Variants in AGBL4 observed in about 807,000 individuals in gnomAD.
AGBL4 encodes the protein AGBL carboxypeptidase 4, also known as cytosolic carboxypeptidase 6.
A neutral mutation model predicts 66.4 loss-of-function variants in AGBL4; 58 were observed. That is an observed-to-expected ratio of 0.87 (90% confidence interval 0.71 to 1.09). The LOEUF is 1.09. AGBL4 is among the 50% of genes least tolerant of loss of function. The pLI is 0.00. For synonymous variants in AGBL4, 234 were observed against 222.9 expected (o/e 1.05, Z -0.44); for missense variants, 579 against 631.0 (o/e 0.92, Z 0.88).
intron 1 of AGBL4, among the ~76,000 whole-genome samples, chr1:50,001,415 ATT>A (rs1004300153): frequency 9.8e-5 from 12 of 122,490 alleles, no homozygotes; most frequent in Admixed American, 3.4e-4. Context: ...GAAAAAAATA[ATT>A]TGTGTGTGTG....
At chr1:49,833,668 T>C (rs1244118336) in intron 2 of AGBL4, among the ~76,000 whole-genome samples, 3 of 152,198 alleles carry the variant, frequency 2.0e-5, no homozygotes, top group Non-Finnish European at 4.4e-5. Context: ...TTTAATTTCA[T>C]TGAGCAGTGG....
intron 6 of AGBL4, among the ~76,000 whole-genome samples, chr1:48,677,807 T>G (rs910274678): frequency 6.6e-6 from 1 of 152,130 alleles, no homozygotes; most frequent in Non-Finnish European, 1.5e-5. Flanking sequence ...GGGACCACAG[T>G]CAGGGTCCTG....
chr1:49,661,571 G>T (rs1165174330), intron 3 of AGBL4, among the ~76,000 whole-genome samples: 1 of 152,146 alleles, frequency 6.6e-6, no homozygotes, highest in Non-Finnish European at 1.5e-5. Flanking sequence ...AGCCTCATCA[G>T]AAGCAAATGC....
intron 1 of AGBL4, among the ~76,000 whole-genome samples, chr1:49,856,691 A>G (rs1459883243): frequency 6.6e-6 from 1 of 152,170 alleles, no homozygotes; most frequent in Non-Finnish European, 1.5e-5. Flanking sequence ...CCCTTCATGT[A>G]AGTGCTCTTA....
At chr1:49,076,086 T>C (rs1644703995) in intron 4 of AGBL4, among the ~76,000 whole-genome samples, 1 of 152,196 alleles carries the variant, frequency 6.6e-6, no homozygotes, top group African/African-American at 2.4e-5. Context: ...CTCTTTTAAG[T>C]AGAATTCAAT....
At chr1:49,882,621 T>C (rs1401120826) in intron 1 of AGBL4, among the ~76,000 whole-genome samples, 1 of 152,208 alleles carries the variant, frequency 6.6e-6, no homozygotes, top group Non-Finnish European at 1.5e-5. Context: ...GTAAGTTGGA[T>C]TCCTAGGTAT....
intron 3 of AGBL4, among the ~76,000 whole-genome samples, chr1:49,526,031 T>G (rs1056312099): frequency 6.6e-6 from 1 of 151,550 alleles, no homozygotes; most frequent in Non-Finnish European, 1.5e-5. Context: ...AGGTGGAGCT[T>G]GCAGGTGAGC....
chr1:49,423,887 C>T lies in AGBL4; in HGVS notation c.283-178023G>A, dbSNP rs539537628. Among the ~76,000 whole-genome samples, 114 of 151,562 alleles carry T rather than the reference C, an allele frequency of 7.5e-4. 1 individual carries two copies. In the South Asian group the frequency reaches 0.023, roughly 30 times the overall value. On this transcript the variant is annotated intron_variant, in intron 3 of 13. Transcript: ENST00000371839. ...ACAATTCAGCATTAAGAGACACAGCCGAGCTCCCCAGCTCATTAGTGAATA... is the reference window on the plus strand; with the variant it reads ...ACAATTCAGCATTAAGAGACACAGCTGAGCTCCCCAGCTCATTAGTGAATA...
intron 2 of AGBL4, chr1:49,845,567 G>A (rs1646118559): frequency 1.2e-6 from 2 of 1,601,528 alleles, no homozygotes; most frequent in Admixed American, 1.7e-5. Context: ...ATCCACACAG[G>A]GGAGAAGCCC....
Position 49,963,808 on chromosome 1 carries a change from T to C in AGBL4, c.34+59955A>G, listed in dbSNP as rs12058772. On this transcript the variant is annotated intron_variant, in intron 1 of 13. Transcript: ENST00000371839. ...TTCCAGGAAAGAGCAGAAATTATAA[T>C]GCAGACTTTGTCATCTAGGTAAAAA... Among the ~76,000 whole-genome samples the C allele has an allele frequency of 2.1e-3, 317 of 152,230 alleles. 4 individuals carry two copies. The highest frequency in any genetic ancestry group is 7.1e-3 in the African/African-American group (294 of 41,562).
At chr1:48,699,095 C>T (rs572963624) in intron 6 of AGBL4, among the ~76,000 whole-genome samples, 5 of 152,326 alleles carry the variant, frequency 3.3e-5, no homozygotes, top group African/African-American at 1.2e-4. Context: ...ATCCATAATT[C>T]TGGTCCTACA....
intron 5 of AGBL4, among the ~76,000 whole-genome samples, chr1:49,035,883 C>A (rs1053190650): frequency 6.6e-6 from 1 of 152,010 alleles, no homozygotes; most frequent in African/African-American, 2.4e-5. Flanking sequence ...GAGGTTTATG[C>A]ATGTTGTCAC....
Position 49,760,344 on chromosome 1 carries a change from G to A in AGBL4, c.158-62907C>T, listed in dbSNP as rs372076043. Among the ~76,000 whole-genome samples, 49 of 152,140 alleles carry A rather than the reference G, an allele frequency of 3.2e-4. 1 individual carries two copies. The South Asian group carries it at 9.3e-3, about 29-fold the overall frequency. ...TCTGGCATTTGTTGTAATTGCTCTTGGCATTTTTGTCATGAAGTCTTTGCC... is the reference window on the plus strand; with the variant it reads ...TCTGGCATTTGTTGTAATTGCTCTTAGCATTTTTGTCATGAAGTCTTTGCC... On this transcript the variant is annotated intron_variant, in intron 2 of 13. Transcript: ENST00000371839.
intron 1 of AGBL4, among the ~76,000 whole-genome samples, chr1:49,932,986 G>A (rs528044083): frequency 2.2e-4 from 33 of 152,178 alleles, no homozygotes; most frequent in East Asian, 9.6e-4. Flanking sequence ...GACCAAAAAC[G>A]TCAGAAAGCA....
intron 5 of AGBL4, among the ~76,000 whole-genome samples, chr1:48,903,437 C>T (rs1652284779): frequency 1.3e-5 from 2 of 152,242 alleles, no homozygotes; most frequent in African/African-American, 2.4e-5. Flanking sequence ...GTAGACTTGG[C>T]CTGACTCCCC....
chr1:48,904,031 C>T (rs1652345717), intron 5 of AGBL4, among the ~76,000 whole-genome samples: 1 of 152,156 alleles, frequency 6.6e-6, no homozygotes, highest in Admixed American at 6.5e-5. Flanking sequence ...GCAATCCCAG[C>T]ACTTTGGGAG....
intron 4 of AGBL4, among the ~76,000 whole-genome samples, chr1:49,152,882 C>T (rs551719458): frequency 1.3e-5 from 2 of 152,202 alleles, no homozygotes; most frequent in South Asian, 4.1e-4. Flanking sequence ...TACTTTTAAA[C>T]TAATATATTA....
At chr1:49,714,948 G>T (rs1285158226) in intron 2 of AGBL4, among the ~76,000 whole-genome samples, 2 of 151,276 alleles carry the variant, frequency 1.3e-5, no homozygotes, top group Non-Finnish European at 3.0e-5. Flanking sequence ...ATTATTTTTT[G>T]ACTTTTTATT....
rs186780776 is a variant in AGBL4 at position 48,552,988 on chromosome 1, C to T, written c.1268-13250G>A. On this transcript the variant is annotated intron_variant, in intron 11 of 13. Coordinates refer to ENST00000371839, the MANE Select transcript of AGBL4 (RefSeq NM_032785.4). ...ACCCGAGATGCCTCTCCCTTCTCTA[C>T]TTGCCCAAGACTGCTGGTATTTATA... Among the ~76,000 whole-genome samples the T allele has an allele frequency of 1.7e-3, 261 of 152,198 alleles. 1 individual carries two copies. Among genetic ancestry groups the T allele is most frequent in the Middle Eastern group, 6.8e-3 (2 of 294 alleles).
Sources: gnomAD v4.1 joint callset for allele counts (sites outside exome capture counted in the v4.1 genomes callset) on GRCh38, gnomAD v4.1.1 for gene constraint, MANE v1.5 for transcripts, NCBI Gene and HGNC (gene_info 2026-07-23, HGNC 2026-07-21) for gene names.